The following CDC42BPG variants were observed in gnomAD, a reference collection of about 807,000 sequenced individuals.
CDC42BPG encodes serine/threonine-protein kinase MRCK gamma.
A neutral mutation model predicts 192.2 loss-of-function variants in CDC42BPG; 157 were observed. That is an observed-to-expected ratio of 0.82 (90% CI 0.72 to 0.93). CDC42BPG has a LOEUF of 0.93. Among genes scored for constraint, CDC42BPG ranks in the 40% least tolerant of loss-of-function variants. CDC42BPG has a pLI of 0.00. For synonymous variants in CDC42BPG, 981 were observed against 918.5 expected (o/e 1.07, Z -1.23); for missense variants, 1,992 against 2,122.1 (o/e 0.94, Z 1.20).
At chr11:64,833,558 C>G (rs931249537) in intron 23 of CDC42BPG, 42 bp downstream of exon 23, 4 of 1,559,918 alleles carry the variant, frequency 2.6e-6, no homozygotes, top group Admixed American at 3.8e-5. Context: ...CCTGGCAGAA[C>G]TGCTTGGTGC....
intron 24 of CDC42BPG, 32 bp downstream of exon 24, chr11:64,833,199 G>C (rs968300827): frequency 1.3e-6 from 2 of 1,487,628 alleles, no homozygotes; most frequent in East Asian, 4.9e-5. Context: ...ACCTGGGACC[G>C]TGGCTGGAGC....
chr11:64,832,884 G>T lies in CDC42BPG; in HGVS notation c.2807C>A (p.Thr936Lys). The change falls in exon 25 of 37, where the codon ACA (threonine) becomes AAA (lysine). Residue 936 changes from threonine to lysine, a missense_variant. Thr to Lys is a moderately conservative substitution (Grantham distance 78, BLOSUM62 -1). Coordinates refer to ENST00000342711, the MANE Select transcript of CDC42BPG (RefSeq NM_017525.3). Reference protein sequence around the residue: ...PCPVPPDLLRTALGVHPETGT... With the variant: ...PCPVPPDLLRKALGVHPETGT... Reference sequence around the variant, plus strand: ...TGTTTCGGGGTGTACTCCCAGGGCTGTGCGGAGGAGGTCAGGGGGCACGGG... The same window carrying T: ...TGTTTCGGGGTGTACTCCCAGGGCTTTGCGGAGGAGGTCAGGGGGCACGGG... 1 of 1,557,702 alleles carries T rather than the reference G, an allele frequency of 6.4e-7. No individual in the cohort carries two copies. The highest frequency in any genetic ancestry group is 1.2e-5 in the South Asian group (1 of 84,624).
intron 14 of CDC42BPG, 41 bp downstream of exon 14, chr11:64,835,721 G>A: frequency 6.2e-7 from 1 of 1,611,096 alleles, no homozygotes; most frequent in South Asian, 1.1e-5. Flanking sequence ...GGGTCAGGCT[G>A]GTGGGGAAGC....
At chr11:64,824,604 G>C (rs996031114) in intron 36 of CDC42BPG, 75 bp from the exon 37 acceptor site, 2 of 1,043,918 alleles carry the variant, frequency 1.9e-6, no homozygotes, top group Non-Finnish European at 2.9e-6. Context: ...GTGGGTCCTG[G>C]AGGCCCCCTT....
Position 64,833,145 on chromosome 11 carries a change from G to A in CDC42BPG, c.2731+86C>T. 8.7e-6 allele frequency: 11 copies of A among 1,270,300 alleles called. No individual in the cohort carries two copies. The South Asian group carries it at 1.3e-4, about 15-fold the overall frequency. 78.7% of individuals were successfully genotyped at this position (1,270,300 alleles called of 1,614,324 possible). A position where few individuals can be genotyped will look rare whatever the true frequency, so the allele number is the denominator to read the frequency against. On this transcript the variant is annotated intron_variant, in intron 24 of 36. Transcript: ENST00000342711. ...GGAAATTTGACCAGCAGGTGCCAGT[G>A]ACCCTGGGATGGGAGAAACAGCCTG...
intron 28 of CDC42BPG, 111 bp downstream of exon 28, chr11:64,831,394 T>C: frequency 9.9e-7 from 1 of 1,007,272 alleles, no homozygotes. Context: ...AGGCAGTCTG[T>C]GTCTCGTGGC....
chr11:64,833,817 G>C lies in CDC42BPG; in HGVS notation c.2486C>G (p.Pro829Arg). ...RSSEKDSAKD[P>R]GISGEATRHG... ...CCTTGTGGCCTCTCCTGAGATGCCA[G>C]GGTCCTTGGCAGAATCCTTCTGGGG... Residue 829 changes from proline (P) to arginine (R), a missense_variant, in exon 22 of 37, where the codon CCT (proline) becomes CGT (arginine). Pro to Arg is a moderately radical substitution (Grantham distance 103). Around this residue, in one of 2 missense-constraint regions of CDC42BPG, gnomAD observed 1,656 missense variants for 1,844.3 expected, o/e 0.90. Coordinates refer to ENST00000342711, the MANE Select transcript of CDC42BPG (RefSeq NM_017525.3). 2 of 1,614,252 alleles carry C rather than the reference G, an allele frequency of 1.2e-6. No individual in the cohort carries two copies. Among genetic ancestry groups the C allele is most frequent in the South Asian group, 1.1e-5 (1 of 91,092 alleles).
At chr11:64,825,061 C>A (rs1040422980) in intron 36 of CDC42BPG, among the ~76,000 whole-genome samples, 1 of 152,126 alleles carries the variant, frequency 6.6e-6, no homozygotes, top group African/African-American at 2.4e-5. Flanking sequence ...GGATTACAAG[C>A]ATGCACCACC....
intron 18 of CDC42BPG, 43 bp from the exon 19 acceptor site, chr11:64,834,620 G>A (rs1258111951): frequency 6.7e-7 from 1 of 1,496,220 alleles, no homozygotes; most frequent in Non-Finnish European, 8.9e-7. Context: ...TTCTAGGCCT[G>A]GCTGCCTCAG....
chr11:64,841,916 C>G lies in CDC42BPG; in HGVS notation c.161-12G>C, dbSNP rs754387242. 6.3e-7 allele frequency: 1 copy of G among 1,580,828 alleles called. No individual in the cohort carries two copies. The highest frequency in any genetic ancestry group is 8.6e-7 in the Non-Finnish European group (1 of 1,161,440). On this transcript the variant is annotated splice_polypyrimidine_tract_variant and intron_variant, in intron 1 of 36. Coordinates refer to ENST00000342711, the MANE Select transcript of CDC42BPG (RefSeq NM_017525.3). Reference sequence around the variant, plus strand: ...TACGAAGGGGCTGGCTGAGGGGACACAGGGCGGGACTCAGAGTGCAGGGAG... The same window carrying G: ...TACGAAGGGGCTGGCTGAGGGGACAGAGGGCGGGACTCAGAGTGCAGGGAG...
At chr11:64,837,491 C>T (rs930803378) in intron 9 of CDC42BPG, among the ~76,000 whole-genome samples, 17 of 152,202 alleles carry the variant, frequency 1.1e-4, no homozygotes, top group African/African-American at 3.6e-4. Flanking sequence ...GAGACAGAGT[C>T]GCTCTGTCAC....
intron 36 of CDC42BPG, 103 bp from the exon 37 acceptor site, chr11:64,824,632 G>A (rs533889492): frequency 5.5e-5 from 40 of 723,638 alleles, no homozygotes; most frequent in African/African-American, 2.7e-4. Flanking sequence ...ATCACCCACT[G>A]TATCAGGGCC....
At chr11:64,844,368 A>G in intron 1 of CDC42BPG, 42 bp downstream of exon 1, 1 of 1,345,478 alleles carries the variant, frequency 7.4e-7, no homozygotes, top group South Asian at 1.7e-5. Flanking sequence ...TCGGCGCGAT[A>G]TCCCTAGGCC....
At chr11:64,842,103 G>A (rs573993361) in intron 1 of CDC42BPG, among the ~76,000 whole-genome samples, 199 bp from the exon 2 acceptor site, 2 of 152,278 alleles carry the variant, frequency 1.3e-5, no homozygotes, top group Non-Finnish European at 2.9e-5. Context: ...GTCAGAGGCC[G>A]GGCTCAGCTG....
intron 17 of CDC42BPG, 30 bp downstream of exon 17, chr11:64,835,017 T>TTCCCC: frequency 2.8e-5 from 44 of 1,571,646 alleles, no homozygotes; most frequent in Non-Finnish European, 3.7e-5. Context: ...TCGCCTGCGT[T>TTCCCC]CCCCACCCCG....
Position 64,827,176 on chromosome 11 carries a change from G to A in CDC42BPG, c.4272-9C>T, listed in dbSNP as rs768199269. 4.3e-6 allele frequency: 7 copies of A among 1,613,448 alleles called. No individual in the cohort carries two copies. The highest frequency in any genetic ancestry group is 3.3e-5 in the South Asian group (3 of 91,082). On this transcript the variant is annotated splice_polypyrimidine_tract_variant and intron_variant, in intron 33 of 36. Coordinates refer to ENST00000342711, the MANE Select transcript of CDC42BPG (RefSeq NM_017525.3). ...GGTCCTTCAGCATCTCCCTGTGGGC[G>A]GAGGTGTAAGTAGTGGGTGGCGAAG... is the stretch of plus-strand genomic sequence containing the variant.
At chr11:64,833,067 C>A in intron 24 of CDC42BPG, 108 bp from the exon 25 acceptor site, 2 of 1,372,638 alleles carry the variant, frequency 1.5e-6, no homozygotes, top group South Asian at 1.4e-5. Context: ...CGGTGGCACC[C>A]GAACTGTCCC....
Position 64,836,143 on chromosome 11 carries a change from C to T in CDC42BPG, c.1642G>A (p.Glu548Lys), listed in dbSNP as rs928641611. The change falls in exon 13 of 37, where the codon GAG becomes AAG. Residue 548 changes from glutamate (E) to lysine (K), a missense_variant. Physicochemically the swap from Glu to Lys is moderately conservative, Grantham distance 56. Coordinates refer to ENST00000342711, the MANE Select transcript of CDC42BPG (RefSeq NM_017525.3). ...SQTRALSSQL[E>K]EARAAQRELE... ...TCCCTCTGGGCAGCCCGGGCTTCCT[C>T]CAGCTGGGAGCTCAGGGCCCGGGTC... 10 of 1,600,400 alleles carry T rather than the reference C, an allele frequency of 6.2e-6. No individual in the cohort carries two copies. The Admixed American group carries it at 1.0e-4, about 16-fold the overall frequency.
chr11:64,843,042 A>G (rs1451898244), intron 1 of CDC42BPG, among the ~76,000 whole-genome samples: 2 of 151,960 alleles, frequency 1.3e-5, no homozygotes, highest in African/African-American at 4.8e-5. Flanking sequence ...TGGGAGTTGA[A>G]GCCAGCACCA....
Sources: allele counts gnomAD v4.1 joint callset (sites outside exome capture counted in the v4.1 genomes callset), GRCh38; gene constraint gnomAD v4.1.1; regional missense constraint gnomAD v4.1.1; transcripts MANE v1.5; gene names NCBI Gene and HGNC (gene_info 2026-07-23, HGNC 2026-07-21).